The following NTM variants were observed in gnomAD, a reference collection of about 807,000 sequenced individuals.
NTM encodes IgLON family member 2.
NTM carries 13 observed loss-of-function variants against 42.1 expected under a neutral mutation model. The observed-to-expected ratio is 0.31, with a 90% confidence interval of 0.20 to 0.49. The LOEUF (loss-of-function observed/expected upper bound fraction) is 0.49. NTM is among the 20% of genes least tolerant of loss of function. The pLI is 0.99. For missense variants in NTM, 373 were observed against 452.8 expected, an observed-to-expected ratio of 0.82 and a Z score of 1.60; for synonymous variants, 187 against 179.2, an observed-to-expected ratio of 1.04 and a Z score of -0.35.
chr11:131,828,602 G>T (rs1360706773), intron 1 of NTM, among the ~76,000 whole-genome samples: 2 of 151,724 alleles, frequency 1.3e-5, no homozygotes, highest in African/African-American at 2.4e-5. Flanking sequence ...CATCATCACC[G>T]CCACCTTAAC....
intron 1 of NTM, among the ~76,000 whole-genome samples, chr11:131,862,604 G>A (rs1424432708): frequency 2.0e-5 from 3 of 152,134 alleles, no homozygotes; most frequent in African/African-American, 7.2e-5. Flanking sequence ...CCATATCTAA[G>A]TCCCTAGTTT....
intron 3 of NTM, among the ~76,000 whole-genome samples, chr11:132,195,256 TACAATGAGAATTACAAA>T (rs1167548278): frequency 6.6e-6 from 1 of 151,992 alleles, no homozygotes; most frequent in Non-Finnish European, 1.5e-5. Context: ...AAAAAATCTA[TACAATGAGAATTACAAA>T]ACACTGCTGA....
intron 2 of NTM, among the ~76,000 whole-genome samples, chr11:132,135,512 C>A (rs1307161268): frequency 6.6e-6 from 1 of 152,180 alleles, no homozygotes; most frequent in Non-Finnish European, 1.5e-5. Context: ...GTAAGGGAAG[C>A]CAGGCAGGAC....
chr11:131,898,240 G>T (rs1439859747), intron 1 of NTM, among the ~76,000 whole-genome samples: 1 of 152,160 alleles, frequency 6.6e-6, no homozygotes, highest in African/African-American at 2.4e-5. Flanking sequence ...CCAGTTCTCT[G>T]GAATATGACT....
At chr11:131,594,742 A>G (rs1211719791) in intron 1 of NTM, among the ~76,000 whole-genome samples, 1 of 152,166 alleles carries the variant, frequency 6.6e-6, no homozygotes, top group Admixed American at 6.5e-5. Flanking sequence ...TTCTGATGAA[A>G]ATATTGCAAC....
Position 131,937,051 on chromosome 11 carries a change from C to T in NTM, c.167+25403C>T, listed in dbSNP as rs2059298424. Reference sequence around the variant, plus strand: ...GTGCCACCCACCTACTATTTTAACTCTTTAGGTTTCAGCTATGAAAATGTG... The same window carrying T: ...GTGCCACCCACCTACTATTTTAACTTTTTAGGTTTCAGCTATGAAAATGTG... On this transcript the variant is annotated intron_variant, in intron 2 of 8. Coordinates refer to ENST00000683400, the MANE Select transcript of NTM (RefSeq NM_001352005.2). Among the ~76,000 whole-genome samples, 2 of 152,176 alleles carry T rather than the reference C, an allele frequency of 1.3e-5. 1 individual carries two copies. The highest frequency in any genetic ancestry group is 4.1e-4 in the South Asian group (2 of 4,824).
intron 1 of NTM, chr11:131,878,099 G>T (rs1161308965): frequency 6.6e-6 from 1 of 152,066 alleles, no homozygotes; most frequent in Non-Finnish European, 1.5e-5. Context: ...ATTGAGTTTG[G>T]GGATTCTGTA....
intron 1 of NTM, among the ~76,000 whole-genome samples, chr11:131,607,410 G>T (rs2061063323): frequency 6.6e-6 from 1 of 152,112 alleles, no homozygotes; most frequent in Non-Finnish European, 1.5e-5. Context: ...TTATCCTTGG[G>T]TCACATCCGT....
In NTM at chr11:132,276,506, T is replaced by C. The variant is rs189683611; in HGVS notation, c.527-31183T>C. ...AAATTTATAAAAAATACTCCTTAAC[T>C]GAGGAGAGTGGCTTACTGTGCATAG... On this transcript the variant is annotated intron_variant, in intron 4 of 8. Transcript: ENST00000683400. 1.3e-3 allele frequency among the ~76,000 whole-genome samples: 204 copies of C among 152,268 alleles called. 1 individual carries two copies. The highest frequency in any genetic ancestry group is 1.4e-3 in the Non-Finnish European group (95 of 68,002).
intron 2 of NTM, among the ~76,000 whole-genome samples, chr11:132,023,672 A>G (rs534260264): frequency 1.3e-3 from 200 of 152,010 alleles, no homozygotes; most frequent in African/African-American, 4.4e-3. Flanking sequence ...CAAGCACTAG[A>G]ATTGAGGGGA....
At chr11:131,579,187 T>C (rs2058181271) in intron 1 of NTM, among the ~76,000 whole-genome samples, 1 of 151,956 alleles carries the variant, frequency 6.6e-6, no homozygotes, top group Admixed American at 6.6e-5. Flanking sequence ...TGAGGAGCAA[T>C]GGGAAACAGA....
chr11:131,512,167 C>T (rs578012069), intron 1 of NTM, among the ~76,000 whole-genome samples: 49 of 152,166 alleles, frequency 3.2e-4, no homozygotes, highest in Admixed American at 7.2e-4. Context: ...CTTGGGGACA[C>T]GAGTGGATGA....
intron 1 of NTM, among the ~76,000 whole-genome samples, chr11:131,844,216 G>C (rs975592075): frequency 3.3e-5 from 5 of 152,188 alleles, no homozygotes; most frequent in African/African-American, 4.8e-5. Flanking sequence ...TGTGTGATGT[G>C]AGACAGGGGC....
intron 1 of NTM, among the ~76,000 whole-genome samples, chr11:131,401,822 A>ATGTG (rs1555101761): frequency 1.7e-5 from 1 of 57,876 alleles, no homozygotes; most frequent in African/African-American, 7.1e-5. Context: ...ATATATATAT[A>ATGTG]TATATATATA....
At chr11:131,771,328 A>C (rs995479893) in intron 1 of NTM, 7 of 152,198 alleles carry the variant, frequency 4.6e-5, no homozygotes, top group Non-Finnish European at 8.8e-5. Flanking sequence ...TTCTGTGTCC[A>C]TTACACAGAT....
intron 4 of NTM, among the ~76,000 whole-genome samples, chr11:132,217,308 C>A (rs2084048260): frequency 5.3e-5 from 8 of 151,578 alleles, no homozygotes; most frequent in Admixed American, 5.3e-4. Flanking sequence ...AAGAAAAGTA[C>A]TTTAAATTCA....
chr11:131,989,317 C>G (rs1432860847), intron 2 of NTM, among the ~76,000 whole-genome samples: 1 of 151,900 alleles, frequency 6.6e-6, no homozygotes, highest in Non-Finnish European at 1.5e-5. Context: ...TACATTTCAT[C>G]ATTTAAAAAA....
chr11:132,286,307 A>G (rs1197615538), intron 4 of NTM, among the ~76,000 whole-genome samples: 1 of 152,210 alleles, frequency 6.6e-6, no homozygotes, highest in Non-Finnish European at 1.5e-5. Flanking sequence ...TGTCTGTTAC[A>G]GCAGGCTGCC....
At chr11:131,977,332 G>A (rs944091496) in intron 2 of NTM, among the ~76,000 whole-genome samples, 2 of 152,208 alleles carry the variant, frequency 1.3e-5, no homozygotes, top group Non-Finnish European at 2.9e-5. Flanking sequence ...TCCCAAGAGC[G>A]TCTGCTCTTC....
Sources: gnomAD v4.1 joint callset for allele counts (sites outside exome capture counted in the v4.1 genomes callset) on GRCh38, gnomAD v4.1.1 for gene constraint, MANE v1.5 for transcripts, NCBI Gene and HGNC (gene_info 2026-07-23, HGNC 2026-07-21) for gene names.